MCF2L2: variants seen among roughly 807,000 people sequenced by gnomAD.
MCF2L2 encodes probable guanine nucleotide exchange factor MCF2L2.
Under a neutral mutation model 150.2 loss-of-function variants are expected in MCF2L2, and 102 were observed. The ratio of observed to expected loss-of-function variants is 0.68; its 90% confidence interval spans 0.58 to 0.80. The LOEUF (loss-of-function observed/expected upper bound fraction) is 0.80, where lower values mean the gene tolerates loss of function less well. Among genes scored for constraint, MCF2L2 ranks in the 30% least tolerant of loss-of-function variants. The pLI is 0.00. For synonymous variants in MCF2L2, 465 were observed against 491.3 expected, an observed-to-expected ratio of 0.95 and a Z score of 0.71; for missense variants, 1,256 against 1,372.8, an observed-to-expected ratio of 0.91 and a Z score of 1.34.
intron 3 of MCF2L2, among the ~76,000 whole-genome samples, chr3:183,358,334 A>G (rs1382630667): frequency 6.6e-6 from 1 of 152,226 alleles, no homozygotes; most frequent in Non-Finnish European, 1.5e-5. Context: ...AAAGAAAAAG[A>G]AGAGTGTGGT....
chr3:183,265,718 TGAG>T (rs1197028118), intron 15 of MCF2L2: 1 of 152,340 alleles, frequency 6.6e-6, no homozygotes, highest in East Asian at 1.9e-4. Flanking sequence ...GTAATACAAA[TGAG>T]GAGTTTTACT....
chr3:183,191,990 A>G (rs904285287), intron 27 of MCF2L2, among the ~76,000 whole-genome samples: 34 of 144,180 alleles, frequency 2.4e-4, no homozygotes, highest in Admixed American at 9.7e-4. Context: ...ACAGGCGCCC[A>G]CCACCAAGCG....
chr3:183,301,362 A>G (rs1056067580), intron 10 of MCF2L2, among the ~76,000 whole-genome samples: 2 of 152,168 alleles, frequency 1.3e-5, no homozygotes, highest in Non-Finnish European at 2.9e-5. Flanking sequence ...ATGGTATCTT[A>G]GACAGTGATG....
At chr3:183,390,286 TC>T (rs1053566352) in intron 1 of MCF2L2, among the ~76,000 whole-genome samples, 2 of 152,042 alleles carry the variant, frequency 1.3e-5, no homozygotes, top group Non-Finnish European at 2.9e-5. Context: ...TTCCTTTTTT[TC>T]CCCCTTCCAG....
At chr3:183,349,186 A>G (rs893842349) in intron 3 of MCF2L2, among the ~76,000 whole-genome samples, 2 of 152,098 alleles carry the variant, frequency 1.3e-5, no homozygotes, top group African/African-American at 2.4e-5. Context: ...TATTTCATTT[A>G]TCTTTGGTTC....
chr3:183,278,371 T>C (rs191239427), intron 14 of MCF2L2, among the ~76,000 whole-genome samples: 2 of 152,070 alleles, frequency 1.3e-5, no homozygotes, highest in East Asian at 3.9e-4. Flanking sequence ...TGTGTGTGTG[T>C]GTACATAAAA....
intron 15 of MCF2L2, among the ~76,000 whole-genome samples, chr3:183,249,772 C>A (rs956414082): frequency 6.6e-6 from 1 of 152,188 alleles, no homozygotes; most frequent in African/African-American, 2.4e-5. Flanking sequence ...TCAAAGGAGA[C>A]GTACACAGGG....
chr3:183,267,931 A>G lies in MCF2L2; in HGVS notation c.1862+8941T>C, dbSNP rs562491346. ...CACCAACATTTGGGGAATGCCTACC[A>G]GGGGTCACACACTGAGCTGGATGCT... On this transcript the variant is annotated intron_variant, in intron 15 of 29. Coordinates refer to ENST00000328913, the MANE Select transcript of MCF2L2 (RefSeq NM_015078.4). This position sits in a 1 kb window ranked among gnomAD's most constrained non-coding sequence, Gnocchi z 5.5. 4.3e-4 allele frequency among the ~76,000 whole-genome samples: 66 copies of G among 152,318 alleles called. No individual in the cohort carries two copies. Among genetic ancestry groups the G allele is most frequent in the Admixed American group, 4.1e-3 (63 of 15,304 alleles).
intron 17 of MCF2L2, among the ~76,000 whole-genome samples, chr3:183,229,456 T>C (rs1157540067): frequency 6.6e-6 from 1 of 152,194 alleles, no homozygotes; most frequent in Non-Finnish European, 1.5e-5. Context: ...TGGGTCCCTG[T>C]TCCTTTGATG....
At chr3:183,402,646 T>C (rs1480670780) in intron 1 of MCF2L2, among the ~76,000 whole-genome samples, 4 of 151,458 alleles carry the variant, frequency 2.6e-5, no homozygotes, top group Admixed American at 1.3e-4. Flanking sequence ...AAAAAAAGGT[T>C]TTTAAAAAAA....
At position 183,258,036 on chromosome 3, in the gene MCF2L2, C is replaced by T. The variant is rs189428567; in HGVS notation, c.1862+18836G>A. ...AGGCTGGAGTGCAATGGTGCCATCT[C>T]GGCTCACCGCAACCTCCGCCTCCTG... On this transcript the variant is annotated intron_variant, in intron 15 of 29. Transcript: ENST00000328913. 3.2e-5 allele frequency among the ~76,000 whole-genome samples: 4 copies of T among 126,006 alleles called. No homozygotes were observed. In the East Asian group the frequency reaches 8.1e-4, roughly 26 times the overall value. The allele number at this position is 126,006 out of a possible 152,430, so 82.7% of individuals were successfully genotyped here.
intron 5 of MCF2L2, 60 bp downstream of exon 5, chr3:183,338,740 C>T (rs1029225170): frequency 3.9e-6 from 6 of 1,522,572 alleles, no homozygotes; most frequent in Non-Finnish European, 5.3e-6. Flanking sequence ...AAACCCTGCC[C>T]AAATGCCATC....
intron 15 of MCF2L2, among the ~76,000 whole-genome samples, chr3:183,274,747 A>G (rs948080903): frequency 1.3e-4 from 20 of 152,212 alleles, no homozygotes; most frequent in Admixed American, 1.1e-3. Context: ...ATTCTGTGAT[A>G]ATAATGAGAG....
rs1019991270 is a variant in MCF2L2, at chr3:183,289,231, C to T, written c.1676-11G>A. 3.2e-6 allele frequency: 5 copies of T among 1,557,870 alleles called. No homozygotes were observed. The highest frequency in any genetic ancestry group is 4.4e-6 in the Non-Finnish European group (5 of 1,129,584). ...GACGAGCTAGAGGGACTAAGAGAAC[C>T]TGCCATTAGTGTGGTTATTTAACTT... On this transcript the variant is annotated splice_polypyrimidine_tract_variant and intron_variant, in intron 13 of 29. Coordinates refer to ENST00000328913, the MANE Select transcript of MCF2L2 (RefSeq NM_015078.4).
intron 22 of MCF2L2, among the ~76,000 whole-genome samples, chr3:183,211,329 C>T (rs777871207): frequency 3.3e-5 from 5 of 152,146 alleles, no homozygotes; most frequent in Non-Finnish European, 5.9e-5. Context: ...GGTCAGCTTT[C>T]CAGTAAGCCC....
At chr3:183,248,909 A>G (rs1440965718) in intron 15 of MCF2L2, among the ~76,000 whole-genome samples, 2 of 152,200 alleles carry the variant, frequency 1.3e-5, no homozygotes, top group Non-Finnish European at 2.9e-5. Context: ...AACCAAACCT[A>G]AGTGCAAAAT....
chr3:183,233,988 G>A (rs554358722), intron 15 of MCF2L2, among the ~76,000 whole-genome samples: 4 of 152,120 alleles, frequency 2.6e-5, no homozygotes, highest in South Asian at 2.1e-4. Context: ...TGTAATTTCC[G>A]GAAGTCTAAA....
At chr3:183,369,135 T>A (rs1029118275) in intron 3 of MCF2L2, among the ~76,000 whole-genome samples, 5 of 152,182 alleles carry the variant, frequency 3.3e-5, no homozygotes, top group African/African-American at 2.4e-5. Context: ...GAATGGACCA[T>A]CTCTTAGCCA....
intron 3 of MCF2L2, chr3:183,375,915 G>GA (rs1713164061): frequency 6.6e-6 from 1 of 152,190 alleles, no homozygotes; most frequent in Non-Finnish European, 1.5e-5. Context: ...ATCTGACATG[G>GA]AAATTAGACA....
Sources: gnomAD v4.1 joint callset for allele counts (sites outside exome capture counted in the v4.1 genomes callset) on GRCh38, gnomAD v4.1.1 for gene constraint, Gnocchi (gnomAD v3.1) non-coding constraint, MANE v1.5 for transcripts, NCBI Gene and HGNC (gene_info 2026-07-23, HGNC 2026-07-21) for gene names.